Variants in HEMK2 observed in about 807,000 individuals in gnomAD.
HEMK2 encodes HemK methyltransferase 2, ETF1 glutamine and histone H4 lysine.
At chr21:28,672,332 A>C in the HEMK2 span, among the ~76,000 whole-genome samples, 2 of 151,902 alleles carry the variant, frequency 1.3e-5, no homozygotes, top group Non-Finnish European at 2.9e-5. Flanking sequence ...TTAAATTTCC[A>C]CTGGAAATTT....
the HEMK2 span, among the ~76,000 whole-genome samples, chr21:28,760,060 G>C: frequency 0.35 from 50,750 of 144,486 alleles, 9,325 homozygotes; most frequent in East Asian, 0.58. Context: ...ACAGTACAAA[G>C]TACCACACCA....
At chr21:28,877,922 GA>G in the HEMK2 span, among the ~76,000 whole-genome samples, 2 of 152,058 alleles carry the variant, frequency 1.3e-5, no homozygotes, top group African/African-American at 2.4e-5. Context: ...TGAGGTGTTA[GA>G]AAAAAACATT....
At chr21:28,630,459 G>T in the HEMK2 span, among the ~76,000 whole-genome samples, 1 of 152,026 alleles carries the variant, frequency 6.6e-6, no homozygotes, top group Admixed American at 6.6e-5. Flanking sequence ...AAATCATGCT[G>T]CTATAAAGAC....
At chr21:28,777,485 G>A in the HEMK2 span, among the ~76,000 whole-genome samples, 1 of 152,158 alleles carries the variant, frequency 6.6e-6, no homozygotes, top group Non-Finnish European at 1.5e-5. Flanking sequence ...AAGGAAATGA[G>A]TCCACCATGA....
chr21:28,588,565 CA>C, the HEMK2 span, among the ~76,000 whole-genome samples: 2 of 152,056 alleles, frequency 1.3e-5, no homozygotes, highest in Non-Finnish European at 2.9e-5. Context: ...AAACCAGAAA[CA>C]AAAGAAGAAA....
At chr21:28,583,955 A>G in the HEMK2 span, among the ~76,000 whole-genome samples, 1 of 152,182 alleles carries the variant, frequency 6.6e-6, no homozygotes, top group African/African-American at 2.4e-5. Context: ...AGGTCCTTCA[A>G]ATTTTCAATA....
the HEMK2 span, among the ~76,000 whole-genome samples, chr21:28,682,897 T>C: frequency 6.6e-6 from 1 of 152,098 alleles, no homozygotes; most frequent in African/African-American, 2.4e-5. Context: ...CACTGGGGCC[T>C]GTGTAGGGGG....
At chr21:28,721,943 C>CACACACACA in the HEMK2 span, among the ~76,000 whole-genome samples, 1 of 148,238 alleles carries the variant, frequency 6.7e-6, no homozygotes, top group Non-Finnish European at 1.5e-5. Context: ...CACACATACA[C>CACACACACA]CTATTTGATG....
At chr21:28,841,404 TAATATATATATTATATATATAA>T in the HEMK2 span, among the ~76,000 whole-genome samples, 7 of 34,332 alleles carry the variant, frequency 2.0e-4, no homozygotes, top group African/African-American at 1.2e-3. Flanking sequence ...ATTATATATA[TAATATATATATTATATATATAA>T]AATATATATA....
chr21:28,603,542 GATAT>G, the HEMK2 span, among the ~76,000 whole-genome samples: 91 of 93,736 alleles, frequency 9.7e-4, no homozygotes, highest in African/African-American at 3.6e-3. Context: ...TTTTACTGAG[GATAT>G]ATATGTGTGT....
the HEMK2 span, chr21:28,885,288 T>C: frequency 4.4e-6 from 7 of 1,592,474 alleles, no homozygotes; most frequent in Admixed American, 1.7e-5. Flanking sequence ...TACACGTCGC[T>C]GAAGGCGCCG....
the HEMK2 span, among the ~76,000 whole-genome samples, chr21:28,768,897 GGTGAGC>G: frequency 1.3e-5 from 2 of 151,892 alleles, no homozygotes; most frequent in African/African-American, 4.8e-5. Flanking sequence ...AAACACCAGG[GGTGAGC>G]ATGCACAGAG....
the HEMK2 span, chr21:28,882,270 G>A: frequency 6.3e-7 from 1 of 1,579,426 alleles, no homozygotes; most frequent in African/African-American, 1.4e-5. Context: ...GAAATGGAAG[G>A]AAACTATATC....
the HEMK2 span, among the ~76,000 whole-genome samples, chr21:28,798,998 A>C: frequency 6.6e-6 from 1 of 152,234 alleles, no homozygotes; most frequent in Admixed American, 6.5e-5. Context: ...TGCTGTCCTA[A>C]GAATGTAAAC....
chr21:28,876,487 T>G, the HEMK2 span: 1 of 1,600,716 alleles, frequency 6.2e-7, no homozygotes, highest in Non-Finnish European at 8.5e-7. Context: ...TTTTCAAAAT[T>G]TCTTCTAAAA....
chr21:28,642,406 G>A, the HEMK2 span, among the ~76,000 whole-genome samples: 1 of 152,180 alleles, frequency 6.6e-6, no homozygotes, highest in Admixed American at 6.5e-5. Context: ...GTGAACAAAT[G>A]CTGGAAGCAT....
At chr21:28,723,500 T>C in the HEMK2 span, among the ~76,000 whole-genome samples, 16 of 152,196 alleles carry the variant, frequency 1.1e-4, no homozygotes, top group African/African-American at 3.9e-4. Context: ...CCTGGGGATC[T>C]TGGCATATCA....
the HEMK2 span, among the ~76,000 whole-genome samples, chr21:28,839,964 C>G: frequency 6.6e-6 from 1 of 152,274 alleles, no homozygotes; most frequent in Admixed American, 6.5e-5. Context: ...TGATTTCAAA[C>G]TATACTATAA....
At chr21:28,703,578 T>A in the HEMK2 span, among the ~76,000 whole-genome samples, 3 of 152,204 alleles carry the variant, frequency 2.0e-5, no homozygotes, top group African/African-American at 7.2e-5. Flanking sequence ...GAACTAAGCA[T>A]CTTTTATCTG....
Sources: allele counts gnomAD v4.1 joint callset (sites outside exome capture counted in the v4.1 genomes callset), GRCh38; gene constraint gnomAD v4.1.1; transcripts MANE v1.5; gene names NCBI Gene and HGNC (gene_info 2026-07-23, HGNC 2026-07-21).